The following STT3B variants were observed in gnomAD, a reference collection of about 807,000 sequenced individuals.
The protein encoded by STT3B is dolichyl-diphosphooligosaccharide--protein glycosyltransferase subunit STT3B.
STT3B carries 29 observed loss-of-function variants against 96.8 expected under a neutral mutation model. That is an observed-to-expected ratio of 0.30 (90% confidence interval 0.22 to 0.41). The LOEUF (loss-of-function observed/expected upper bound fraction) is 0.41, where lower values mean the gene tolerates loss of function less well. Ranked by LOEUF, STT3B falls within the 10% of genes least tolerant of loss-of-function variation. The pLI is 1.00. For synonymous variants in STT3B, 367 were observed against 360.0 expected (o/e 1.02, Z -0.22); for missense variants, 640 against 1,022.3 (o/e 0.63, Z 5.10).
rs143093537 is a variant in STT3B, at chr3:31,562,061, C to T, written c.315-14335C>T. 7.2e-3 allele frequency among the ~76,000 whole-genome samples: 1,094 copies of T among 152,152 alleles called. 12 individuals are homozygous for T. Among genetic ancestry groups the T allele is most frequent in the Non-Finnish European group, 8.9e-3 (606 of 67,996 alleles). Reference sequence around the variant, plus strand: ...TGAGCATCCCCTCAGTGTTTTGGCCCGAGGGCAGCTTATGCCAGTGACAGC... The same window carrying T: ...TGAGCATCCCCTCAGTGTTTTGGCCTGAGGGCAGCTTATGCCAGTGACAGC... On this transcript the variant is annotated intron_variant, in intron 1 of 15. Transcript: ENST00000295770.
At chr3:31,610,303 G>A (rs1213257120) in intron 5 of STT3B, among the ~76,000 whole-genome samples, 2 of 152,148 alleles carry the variant, frequency 1.3e-5, no homozygotes, top group African/African-American at 4.8e-5. Flanking sequence ...CGTTGTGTGT[G>A]TTTTGGCTAA....
intron 1 of STT3B, among the ~76,000 whole-genome samples, chr3:31,543,314 G>A (rs538503882): frequency 5.3e-5 from 8 of 152,214 alleles, no homozygotes; most frequent in African/African-American, 1.7e-4. Flanking sequence ...AGTTGGTAAG[G>A]TACTGTTATG....
chr3:31,538,424 C>T (rs1251880454), intron 1 of STT3B, among the ~76,000 whole-genome samples: 1 of 152,098 alleles, frequency 6.6e-6, no homozygotes, highest in Non-Finnish European at 1.5e-5. Context: ...TGCATTAGCC[C>T]CACATCTGTT....
intron 15 of STT3B, among the ~76,000 whole-genome samples, chr3:31,634,323 G>A (rs1699719710): frequency 1.3e-5 from 2 of 152,108 alleles, no homozygotes; most frequent in Admixed American, 6.5e-5. Context: ...TACTTTTTCT[G>A]CAAAAAGAGG....
chr3:31,569,212 G>A (rs530789627), intron 1 of STT3B, among the ~76,000 whole-genome samples: 22 of 151,970 alleles, frequency 1.4e-4, no homozygotes, highest in African/African-American at 3.6e-4. Flanking sequence ...AGCTGTTCTC[G>A]AACTCCTGGG....
At chr3:31,575,469 G>A (rs907575560) in intron 1 of STT3B, among the ~76,000 whole-genome samples, 3 of 147,196 alleles carry the variant, frequency 2.0e-5, no homozygotes, top group Non-Finnish European at 4.4e-5. Context: ...ATTTTTTTGG[G>A]GGGGGGATAT....
intron 5 of STT3B, among the ~76,000 whole-genome samples, chr3:31,612,464 A>G (rs1699203375): frequency 6.6e-6 from 1 of 152,194 alleles, no homozygotes; most frequent in Non-Finnish European, 1.5e-5. Flanking sequence ...TCAAGGTAAA[A>G]TACTGTTGAA....
intron 1 of STT3B, among the ~76,000 whole-genome samples, chr3:31,553,885 T>C (rs1053648670): frequency 2.0e-5 from 3 of 152,208 alleles, no homozygotes; most frequent in African/African-American, 7.2e-5. Flanking sequence ...TGTGTACTTG[T>C]ATGCAGAATG....
intron 5 of STT3B, among the ~76,000 whole-genome samples, chr3:31,601,613 G>A (rs1023586242): frequency 3.3e-5 from 5 of 152,144 alleles, no homozygotes; most frequent in African/African-American, 1.2e-4. Context: ...AGAATGTGGA[G>A]AGGAGAGGAG....
chr3:31,533,227 C>G lies in STT3B; in HGVS notation c.229C>G (p.Leu77Val), dbSNP rs1289544358. ...GCAGTCGCTTCTCTCCTTCACCATC[C>G]TCTTCCTGGCCTGGCTTGCCGGCTT... ...GWQSLLSFTI[L>V]FLAWLAGFSS... is the part of the protein sequence containing the mutation. The change falls in exon 1 of 16, where the codon CTC (leucine) becomes GTC (valine). Residue 77 changes from leucine (L) to valine (V), a missense_variant. Around this residue, in one of 8 missense-constraint regions of STT3B, gnomAD observed 267 missense variants for 388.3 expected, o/e 0.69. Coordinates refer to ENST00000295770, the MANE Select transcript of STT3B (RefSeq NM_178862.3). The G allele has an allele frequency of 1.7e-5, 25 of 1,486,158 alleles. No individual in the cohort carries two copies. The highest frequency in any genetic ancestry group is 2.2e-5 in the Non-Finnish European group (24 of 1,114,832). 92.1% of individuals were successfully genotyped at this position (1,486,158 alleles called of 1,614,324 possible).
chr3:31,598,214 T>A (rs1698837822), intron 4 of STT3B, among the ~76,000 whole-genome samples: 1 of 152,078 alleles, frequency 6.6e-6, no homozygotes, highest in Non-Finnish European at 1.5e-5. Context: ...GAACAGGAAA[T>A]TTTGCCTGTC....
At chr3:31,572,015 C>T (rs1404139964) in intron 1 of STT3B, among the ~76,000 whole-genome samples, 23 of 131,944 alleles carry the variant, frequency 1.7e-4, no homozygotes, top group African/African-American at 5.2e-4. Flanking sequence ...TTTTATTAAA[C>T]ATATTAATAT....
At chr3:31,572,988 A>G (rs980503271) in intron 1 of STT3B, among the ~76,000 whole-genome samples, 5 of 152,212 alleles carry the variant, frequency 3.3e-5, no homozygotes, top group African/African-American at 7.2e-5. Context: ...CTATGTCAAG[A>G]TGGAAAAATG....
intron 1 of STT3B, among the ~76,000 whole-genome samples, chr3:31,550,292 G>A (rs955179774): frequency 1.3e-5 from 2 of 152,170 alleles, no homozygotes; most frequent in African/African-American, 4.8e-5. Flanking sequence ...ATGCAGAGTA[G>A]CTCTAAGGAG....
intron 1 of STT3B, among the ~76,000 whole-genome samples, chr3:31,562,609 G>C (rs1697907224): frequency 6.6e-6 from 1 of 152,150 alleles, no homozygotes; most frequent in African/African-American, 2.4e-5. Context: ...GGGAAGGTGG[G>C]GTTGCTTTCC....
chr3:31,622,207 T>A lies in STT3B; in HGVS notation c.1438T>A (p.Phe480Ile). 1 of 1,614,120 alleles carries A rather than the reference T, an allele frequency of 6.2e-7. No individual in the cohort carries two copies. The highest frequency in any genetic ancestry group is 8.5e-7 in the Non-Finnish European group (1 of 1,179,966). Residue 480 changes from phenylalanine to isoleucine, a missense_variant, in exon 10 of 16, where the codon TTT becomes ATT. Coordinates refer to ENST00000295770, the MANE Select transcript of STT3B (RefSeq NM_178862.3). ...GTCTGCAATTGCCTTTTCAAATGTTTTTGAGCACTATTTGGGGGATGACAT... is the reference window on the plus strand; with the variant it reads ...GTCTGCAATTGCCTTTTCAAATGTTATTGAGCACTATTTGGGGGATGACAT... Reference protein sequence around the residue: ...MLSAIAFSNVFEHYLGDDMKR... With the variant: ...MLSAIAFSNVIEHYLGDDMKR...
At chr3:31,571,575 A>G (rs1427837345) in intron 1 of STT3B, among the ~76,000 whole-genome samples, 1 of 152,116 alleles carries the variant, frequency 6.6e-6, no homozygotes, top group Non-Finnish European at 1.5e-5. Context: ...ATGGGATCTC[A>G]TGGCAGCCAA....
chr3:31,626,001 G>A lies in STT3B; in HGVS notation c.1947G>A (p.Met649Ile), dbSNP rs1347654338. The change falls in exon 13 of 16, where the codon ATG becomes ATA. Residue 649 changes from methionine (M) to isoleucine (I), a missense_variant. Coordinates refer to ENST00000295770, the MANE Select transcript of STT3B (RefSeq NM_178862.3). The part of the protein sequence containing the change: ...SSNETAAYKI[M>I]RTLDVDYVLV... ...ATGAAACAGCAGCCTATAAAATCAT[G>A]AGGACTCTAGATGTAGATTATGTTT... 5.0e-6 allele frequency: 8 copies of A among 1,613,220 alleles called. No homozygotes were observed. Among genetic ancestry groups the A allele is most frequent in the Non-Finnish European group, 6.8e-6 (8 of 1,179,646 alleles).
chr3:31,633,751 T>C (rs1410225314), intron 15 of STT3B, among the ~76,000 whole-genome samples: 1 of 152,132 alleles, frequency 6.6e-6, no homozygotes, highest in Non-Finnish European at 1.5e-5. Context: ...AGATTATAAT[T>C]TTTGCTATAA....
Sources: allele counts gnomAD v4.1 joint callset (sites outside exome capture counted in the v4.1 genomes callset), GRCh38; gene constraint gnomAD v4.1.1; regional missense constraint gnomAD v4.1.1; transcripts MANE v1.5; gene names NCBI Gene and HGNC (gene_info 2026-07-23, HGNC 2026-07-21).